The following GPC5 variants were observed in gnomAD, a reference collection of about 807,000 sequenced individuals.
The protein encoded by GPC5 is glypican 5, also known as glypican-5.
A neutral mutation model predicts 53.9 loss-of-function variants in GPC5; 47 were observed. The observed-to-expected ratio is 0.87, with a 90% confidence interval of 0.69 to 1.11. The LOEUF is 1.11. GPC5 is among the 50% of genes most tolerant of loss of function. GPC5 has a pLI of 0.00. For synonymous variants in GPC5, 286 were observed against 263.3 expected (o/e 1.09, Z -0.84); for missense variants, 748 against 713.1 (o/e 1.05, Z -0.56).
Position 91,530,707 on chromosome 13 carries a change from A to G in GPC5, c.325+81785A>G, listed in dbSNP as rs150680159. 9.0e-4 allele frequency among the ~76,000 whole-genome samples: 137 copies of G among 152,316 alleles called. 2 individuals carry two copies. Among genetic ancestry groups the G allele is most frequent in the African/African-American group, 3.1e-3 (129 of 41,572 alleles). On this transcript the variant is annotated intron_variant, in intron 2 of 7. Coordinates refer to ENST00000377067, the MANE Select transcript of GPC5 (RefSeq NM_004466.6). ...TTATAACCCAAAGCAGACTGTGATTATATTTGTCCCTAAATGATGTGAATA... is the reference window on the plus strand; with the variant it reads ...TTATAACCCAAAGCAGACTGTGATTGTATTTGTCCCTAAATGATGTGAATA...
chr13:92,303,102 A>G (rs182363861), intron 7 of GPC5, among the ~76,000 whole-genome samples: 41 of 151,488 alleles, frequency 2.7e-4, no homozygotes, highest in Admixed American at 1.9e-3. Context: ...TTTCCCCCCT[A>G]TGGTTCTTTT....
chr13:92,383,527 T>G (rs2043767529), intron 7 of GPC5, among the ~76,000 whole-genome samples: 1 of 152,206 alleles, frequency 6.6e-6, no homozygotes, highest in South Asian at 2.1e-4. Flanking sequence ...GCTATGCTTA[T>G]TTTTGGTTTA....
chr13:92,447,724 C>G (rs947519144), intron 7 of GPC5: 2 of 152,034 alleles, frequency 1.3e-5, no homozygotes, highest in Non-Finnish European at 2.9e-5. Flanking sequence ...ATGTAAAGAT[C>G]ATTTAAATTT....
intron 5 of GPC5, among the ~76,000 whole-genome samples, chr13:91,758,977 G>A (rs1446350032): frequency 2.0e-5 from 3 of 151,950 alleles, no homozygotes; most frequent in Non-Finnish European, 4.4e-5. Context: ...CAGCATATGA[G>A]CCTCACACAC....
chr13:92,612,668 T>C (rs1884478049), intron 7 of GPC5, among the ~76,000 whole-genome samples: 2 of 152,236 alleles, frequency 1.3e-5, no homozygotes, highest in Middle Eastern at 3.4e-3. Flanking sequence ...CATTGCACTA[T>C]AGAGATGCTG....
At chr13:92,668,464 A>T (rs1226890666) in intron 7 of GPC5, among the ~76,000 whole-genome samples, 1 of 152,156 alleles carries the variant, frequency 6.6e-6, no homozygotes, top group Non-Finnish European at 1.5e-5. Flanking sequence ...ACATTCAGCA[A>T]GAGAATGTTT....
chr13:91,728,794 T>A, intron 4 of GPC5, 129 bp downstream of exon 4: 1 of 988,946 alleles, frequency 1.0e-6, no homozygotes, highest in Non-Finnish European at 1.4e-6. Flanking sequence ...TCAATATTCA[T>A]TAACTTTAAA....
intron 7 of GPC5, among the ~76,000 whole-genome samples, chr13:92,591,936 A>G (rs1185911136): frequency 1.3e-5 from 2 of 152,158 alleles, no homozygotes; most frequent in Admixed American, 6.6e-5. Flanking sequence ...CACCCAAGCC[A>G]TTGACCTGAG....
intron 6 of GPC5, among the ~76,000 whole-genome samples, chr13:91,957,291 G>A (rs1347673421): frequency 1.3e-5 from 2 of 152,070 alleles, no homozygotes; most frequent in African/African-American, 4.8e-5. Context: ...TTGTAAAAAC[G>A]TTTTTAAGTG....
intron 4 of GPC5, among the ~76,000 whole-genome samples, chr13:91,733,250 C>A (rs1418818116): frequency 6.6e-6 from 1 of 152,100 alleles, no homozygotes; most frequent in African/African-American, 2.4e-5. Context: ...AATTCTCCTG[C>A]CTCAGCTTCC....
In GPC5 at chr13:91,542,039, G is replaced by T. The variant is rs202150017; in HGVS notation, c.325+93117G>T. Reference sequence around the variant, plus strand: ...CTTAATATTAATTAATATTAATAATGTATTAATATTAAATAACACTCTTAA... The same window carrying T: ...CTTAATATTAATTAATATTAATAATTTATTAATATTAAATAACACTCTTAA... On this transcript the variant is annotated intron_variant, in intron 2 of 7. Coordinates refer to ENST00000377067, the MANE Select transcript of GPC5 (RefSeq NM_004466.6). 3.2e-4 allele frequency among the ~76,000 whole-genome samples: 12 copies of T among 37,594 alleles called. No homozygotes were observed. In the East Asian group the frequency reaches 0.02, roughly 63 times the overall value. The allele number at this position is 37,594 out of a possible 152,430, so 24.7% of individuals were successfully genotyped here.
chr13:92,615,241 C>T (rs1162132483), intron 7 of GPC5, among the ~76,000 whole-genome samples: 1 of 152,136 alleles, frequency 6.6e-6, no homozygotes, highest in Admixed American at 6.5e-5. Context: ...CTTATGTTGA[C>T]AATTAAGGCT....
intron 5 of GPC5, among the ~76,000 whole-genome samples, chr13:91,780,010 A>G (rs2037773849): frequency 6.6e-6 from 1 of 152,198 alleles, no homozygotes; most frequent in Admixed American, 6.5e-5. Context: ...ATATAATTGC[A>G]TGTGTTATAT....
At chr13:91,906,128 A>G (rs191381985) in intron 5 of GPC5, among the ~76,000 whole-genome samples, 1 of 151,736 alleles carries the variant, frequency 6.6e-6, no homozygotes, top group Non-Finnish European at 1.5e-5. Context: ...TCGGGGTGTG[A>G]CCTCCTATCC....
chr13:91,495,411 G>A (rs111595640), intron 2 of GPC5, among the ~76,000 whole-genome samples: 3 of 152,210 alleles, frequency 2.0e-5, no homozygotes, highest in African/African-American at 7.2e-5. Flanking sequence ...CCCTCCAATG[G>A]CACCCATTTC....
intron 6 of GPC5, among the ~76,000 whole-genome samples, chr13:92,036,849 G>A (rs1050815957): frequency 2.6e-5 from 4 of 152,108 alleles, no homozygotes; most frequent in African/African-American, 7.2e-5. Context: ...AGTACCTTCA[G>A]TATATAACCA....
chr13:92,167,058 T>C (rs2042037026), intron 7 of GPC5, among the ~76,000 whole-genome samples: 1 of 151,972 alleles, frequency 6.6e-6, no homozygotes, highest in Non-Finnish European at 1.5e-5. Flanking sequence ...GGAATTCGTT[T>C]GTAGGGAATG....
intron 7 of GPC5, chr13:92,180,761 A>G: frequency 5.1e-6 from 1 of 196,628 alleles, no homozygotes; most frequent in Middle Eastern, 2.1e-3. Flanking sequence ...ACTGTTCATG[A>G]CACCGTTCAC....
intron 6 of GPC5, among the ~76,000 whole-genome samples, chr13:91,943,280 G>T (rs1042547188): frequency 5.9e-5 from 9 of 152,050 alleles, no homozygotes; most frequent in African/African-American, 1.7e-4. Context: ...TCAGTTAAAT[G>T]AGTGTTATAT....
Sources: allele counts gnomAD v4.1 joint callset (sites outside exome capture counted in the v4.1 genomes callset), GRCh38; gene constraint gnomAD v4.1.1; transcripts MANE v1.5; gene names NCBI Gene and HGNC (gene_info 2026-07-23, HGNC 2026-07-21).